LRCH4: variants seen among roughly 807,000 people sequenced by gnomAD.
The protein encoded by LRCH4 is leucine-rich repeat and calponin homology domain-containing protein 4.
LRCH4 carries 56 observed loss-of-function variants against 81.2 expected under a neutral mutation model. The observed-to-expected ratio is 0.69, with a 90% CI of 0.56 to 0.86. The LOEUF is 0.86. Ranked by LOEUF, LRCH4 falls within the 40% of genes least tolerant of loss-of-function variation. The pLI, the probability that LRCH4 is intolerant of heterozygous loss-of-function variation, is 0.00. For missense variants in LRCH4, 895 were observed against 922.8 expected (o/e 0.97, Z 0.39); for synonymous variants, 442 against 409.7 (o/e 1.08, Z -0.95).
In LRCH4 at chr7:100,578,281, G is replaced by A. The variant is rs777660691; in HGVS notation, c.849-23C>T. On this transcript the variant is annotated intron_variant, in intron 6 of 17. Coordinates refer to ENST00000310300, the MANE Select transcript of LRCH4 (RefSeq NM_002319.5). This position sits in a 1 kb window ranked among gnomAD's most constrained non-coding sequence, Gnocchi z 5.7. ...GGGCTGGGGCCAGCCAGGCGGATCTGGTCAGCCTGATGCTGGACAACAGCC... is the reference window on the plus strand; with the variant it reads ...GGGCTGGGGCCAGCCAGGCGGATCTAGTCAGCCTGATGCTGGACAACAGCC... 1 of 1,610,100 alleles carries A rather than the reference G, an allele frequency of 6.2e-7. No individual in the cohort carries two copies. The highest frequency in any genetic ancestry group is 8.5e-7 in the Non-Finnish European group (1 of 1,176,386).
rs749694842 is a variant in LRCH4, at chr7:100,578,215, G to T, written c.892C>A (p.Leu298Met). The T allele has an allele frequency of 6.2e-6, 10 of 1,614,104 alleles. No individual in the cohort carries two copies. The highest frequency in any genetic ancestry group is 1.3e-5 in the African/African-American group (1 of 74,936). The change falls in exon 7 of 18, where the codon CTG (leucine) becomes ATG (methionine). Residue 298 changes from leucine (L) to methionine (M), a missense_variant. Transcript: ENST00000310300. This position sits in a 1 kb window ranked among gnomAD's most constrained non-coding sequence, Gnocchi z 5.7. Reference sequence around the variant, plus strand: ...TCAACGCTGTGGAAGCCTGAGTCCAGCCCACCATCGTACCGATGTCCCGGA... The same window carrying T: ...TCAACGCTGTGGAAGCCTGAGTCCATCCCACCATCGTACCGATGTCCCGGA... Reference protein sequence around the residue: ...LFPGHRYDGGLDSGFHSVDSG... With the variant: ...LFPGHRYDGGMDSGFHSVDSG...
Position 100,575,315 on chromosome 7 carries a change from G to A in LRCH4, c.1855-11C>T. 2 of 1,532,418 alleles carry A rather than the reference G, an allele frequency of 1.3e-6. No homozygotes were observed. The highest frequency in any genetic ancestry group is 1.2e-5 in the South Asian group (1 of 82,950). 94.9% of individuals were successfully genotyped at this position (1,532,418 alleles called of 1,614,324 possible). A position where few individuals can be genotyped will look rare whatever the true frequency, so the allele number is the denominator to read the frequency against. On this transcript the variant is annotated splice_polypyrimidine_tract_variant and intron_variant, in intron 17 of 17. Transcript: ENST00000310300. This position sits in a 1 kb window ranked among gnomAD's most constrained non-coding sequence, Gnocchi z 5.3. ...CGAGCACAGGTCAGCCTGGGGGAGA[G>A]GAGAGCAGGTGGACAAGGACAAGGG... is the stretch of plus-strand genomic sequence containing the variant.
rs1276678904 is a variant in LRCH4, at chr7:100,578,612, C to T, written c.735+38G>A. On this transcript the variant is annotated intron_variant, in intron 5 of 17. Transcript: ENST00000310300. This position sits in a 1 kb window ranked among gnomAD's most constrained non-coding sequence, Gnocchi z 5.7. ...GACCAACCCCACTCCTGCCTAGCCA[C>T]ACCCCTGTCCTCGTGGCCCCCCAGG... 2 of 1,606,986 alleles carry T rather than the reference C, an allele frequency of 1.2e-6. No individual in the cohort carries two copies. Among genetic ancestry groups the T allele is most frequent in the Admixed American group, 1.7e-5 (1 of 59,542 alleles).
Position 100,582,914 on chromosome 7 carries a change from T to G in LRCH4, c.221-455A>C, listed in dbSNP as rs1286944962. Among the ~76,000 whole-genome samples the G allele has an allele frequency of 2.6e-5, 4 of 152,262 alleles. No individual in the cohort carries two copies. The highest frequency in any genetic ancestry group is 4.4e-5 in the Non-Finnish European group (3 of 67,996). Reference sequence around the variant, plus strand: ...GCAAACCACAGGGAGTGCCCATCCCTCCTCGGGGCCCTTCTTCCCTACTCC... The same window carrying G: ...GCAAACCACAGGGAGTGCCCATCCCGCCTCGGGGCCCTTCTTCCCTACTCC... On this transcript the variant is annotated intron_variant, in intron 1 of 17. Coordinates refer to ENST00000310300, the MANE Select transcript of LRCH4 (RefSeq NM_002319.5). The surrounding 1 kb of genome is among the most constrained non-coding windows in gnomAD (Gnocchi z 5.0).
At position 100,582,027 on chromosome 7, in the gene LRCH4, G is replaced by A. The variant is rs751954621; in HGVS notation, c.492+14C>T. ...GCTCAGGGGTCCCTTTCCTGGTCCC[G>A]TCCCCATCCTCACAAGCTGTCGCAG... On this transcript the variant is annotated intron_variant, in intron 3 of 17. Transcript: ENST00000310300. This position sits in a 1 kb window ranked among gnomAD's most constrained non-coding sequence, Gnocchi z 5.0. 3.7e-5 allele frequency: 60 copies of A among 1,605,334 alleles called. No homozygotes were observed. The highest frequency in any genetic ancestry group is 4.7e-5 in the Non-Finnish European group (55 of 1,176,322).
At position 100,582,092 on chromosome 7, in the gene LRCH4, C is replaced by T; in HGVS notation, c.441G>A (p.Lys147=). The change falls in exon 3 of 18, where the codon AAG becomes AAA. Residue 147 remains lysine (K), a synonymous_variant. Transcript: ENST00000310300. This position sits in a 1 kb window ranked among gnomAD's most constrained non-coding sequence, Gnocchi z 5.0. Reference sequence around the variant, plus strand: ...CGATGTCAGGGGGCAGGGCTCCCAGCTTGTTGTTGCTGACGATGAGGACCC... The same window carrying T: ...CGATGTCAGGGGGCAGGGCTCCCAGTTTGTTGTTGCTGACGATGAGGACCC... ...PLRVLIVSNN[K]LGALPPDIGT... 6.2e-7 allele frequency: 1 copy of T among 1,612,124 alleles called. No individual in the cohort carries two copies. Among genetic ancestry groups the T allele is most frequent in the East Asian group, 2.2e-5 (1 of 44,876 alleles).
At position 100,577,316 on chromosome 7, in the gene LRCH4, G is replaced by A. The variant is rs772577478; in HGVS notation, c.1252C>T (p.Gln418Ter). Residue 418 changes from glutamine to a stop codon, truncating the protein, a stop_gained, in exon 11 of 18, where the codon CAG becomes TAG. Coordinates refer to ENST00000310300, the MANE Select transcript of LRCH4 (RefSeq NM_002319.5). LOFTEE classifies it high-confidence loss of function. The surrounding 1 kb of genome is among the most constrained non-coding windows in gnomAD (Gnocchi z 6.7). The part of the protein sequence containing the change: ...LQLWQERERR[Q>*]QQQSGAWGAP... ...CCCCACGCCCCGCTCTGCTGCTGCT[G>A]CCGCCGTTCCCGCTCCTGCCACAGC... 6.3e-7 allele frequency: 1 copy of A among 1,596,744 alleles called. No individual in the cohort carries two copies. Among genetic ancestry groups the A allele is most frequent in the Admixed American group, 1.7e-5 (1 of 59,494 alleles).
In LRCH4 at chr7:100,575,607, T is replaced by G. The variant is rs1342526276; in HGVS notation, c.1854+98A>C. The G allele has an allele frequency of 7.0e-7, 1 of 1,432,672 alleles. No homozygotes were observed. The highest frequency in any genetic ancestry group is 9.8e-7 in the Non-Finnish European group (1 of 1,015,312). The allele number at this position is 1,432,672 out of a possible 1,614,324, so 88.7% of individuals were successfully genotyped here. A position where few individuals can be genotyped will look rare whatever the true frequency, so the allele number is the denominator to read the frequency against. On this transcript the variant is annotated intron_variant, in intron 17 of 17. Transcript: ENST00000310300. The surrounding 1 kb of genome is among the most constrained non-coding windows in gnomAD (Gnocchi z 5.3). ...GGCAGGGGCAGCCTGTGCCTTCATC[T>G]GAGAGCAGACATCCGCTGCAAATGG... is the stretch of plus-strand genomic sequence containing the variant.
intron 14 of LRCH4, 137 bp from the exon 15 acceptor site, chr7:100,576,460 C>T (rs1448140272): frequency 2.5e-5 from 17 of 685,926 alleles, no homozygotes; most frequent in African/African-American, 5.4e-5. Flanking sequence ...GATGGGGTCT[C>T]GCTATGTTGC....
Position 100,577,414 on chromosome 7 carries a change from G to A in LRCH4, c.1179-25C>T, listed in dbSNP as rs1250290673. The A allele has an allele frequency of 1.2e-6, 2 of 1,600,354 alleles. No individual in the cohort carries two copies. The highest frequency in any genetic ancestry group is 2.2e-5 in the South Asian group (2 of 91,048). The stretch of plus-strand genomic sequence containing the variant: ...CCTGAGGGACCAAGACAGGGCAAGA[G>A]GGGCAGACCCCGGGGTCAGGGAAGG... On this transcript the variant is annotated intron_variant, in intron 10 of 17. Transcript: ENST00000310300. The surrounding 1 kb of genome is among the most constrained non-coding windows in gnomAD (Gnocchi z 6.7).
Position 100,577,959 on chromosome 7 carries a change from G to T in LRCH4, c.949-47C>A, listed in dbSNP as rs1801425839. ...TGGGAGATGGCCTCTCTGTACATGG[G>T]GGCTCAGGACCTGGGGGGTCCTGTG... On this transcript the variant is annotated intron_variant, in intron 7 of 17. Coordinates refer to ENST00000310300, the MANE Select transcript of LRCH4 (RefSeq NM_002319.5). This position sits in a 1 kb window ranked among gnomAD's most constrained non-coding sequence, Gnocchi z 6.7. The T allele has an allele frequency of 6.5e-7, 1 of 1,530,680 alleles. No individual in the cohort carries two copies. Among genetic ancestry groups the T allele is most frequent in the African/African-American group, 1.4e-5 (1 of 72,692 alleles). 94.8% of individuals were successfully genotyped at this position (1,530,680 alleles called of 1,614,324 possible).
chr7:100,575,573 G>T lies in LRCH4; in HGVS notation c.1854+132C>A. The T allele has an allele frequency of 8.8e-7, 1 of 1,135,078 alleles. No individual in the cohort carries two copies. The highest frequency in any genetic ancestry group is 1.3e-6 in the Non-Finnish European group (1 of 748,324). The allele number at this position is 1,135,078 out of a possible 1,614,324, so 70.3% of individuals were successfully genotyped here. ...AGGGGGCATGCAGGGCAGGGGGCAT[G>T]CTGGGCAGGGCAGGGGCAGCCTGTG... On this transcript the variant is annotated intron_variant, in intron 17 of 17. Coordinates refer to ENST00000310300, the MANE Select transcript of LRCH4 (RefSeq NM_002319.5). The surrounding 1 kb of genome is among the most constrained non-coding windows in gnomAD (Gnocchi z 5.3).
Position 100,578,772 on chromosome 7 carries a change from G to A in LRCH4, c.613C>T (p.Pro205Ser). 3.7e-6 allele frequency: 6 copies of A among 1,613,520 alleles called. No individual in the cohort carries two copies. The highest frequency in any genetic ancestry group is 5.1e-6 in the Non-Finnish European group (6 of 1,179,966). ...STLPEELGDL[P>S]LVRLDFSCNR... ...CAGGAGAAATCCAGGCGGACCAGAGGGAGGTCCCCCAGCTCTGGAACAGGT... is the reference window on the plus strand; with the variant it reads ...CAGGAGAAATCCAGGCGGACCAGAGAGAGGTCCCCCAGCTCTGGAACAGGT... The change falls in exon 5 of 18, where the codon CCT (proline) becomes TCT (serine). Residue 205 changes from proline (P) to serine (S), a missense_variant. Physicochemically the swap from Pro to Ser is moderately conservative, Grantham distance 74. This residue lies in a region of LRCH4 where 360 missense variants were observed against 397.0 expected (regional missense o/e 0.91). Transcript: ENST00000310300. This position sits in a 1 kb window ranked among gnomAD's most constrained non-coding sequence, Gnocchi z 5.7.
Position 100,583,469 on chromosome 7 carries a change from G to A in LRCH4, c.221-1010C>T, listed in dbSNP as rs77727156. 2.6e-5 allele frequency among the ~76,000 whole-genome samples: 4 copies of A among 152,288 alleles called. No homozygotes were observed. Among genetic ancestry groups the A allele is most frequent in the Admixed American group, 6.5e-5 (1 of 15,312 alleles). ...GGGAGGGGCCCAGGGCCCGCGAGGC[G>A]GAGTCCCAGGCCACAGACCTGGTGA... On this transcript the variant is annotated intron_variant, in intron 1 of 17. Transcript: ENST00000310300. This position sits in a 1 kb window ranked among gnomAD's most constrained non-coding sequence, Gnocchi z 4.3.
chr7:100,574,742 T>TA lies in LRCH4; in HGVS notation c.*364dup, dbSNP rs1801286803. 2 of 223,126 alleles carry TA rather than the reference T, an allele frequency of 9.0e-6. No individual in the cohort carries two copies. Among genetic ancestry groups the TA allele is most frequent in the East Asian group, 2.0e-4 (2 of 10,072 alleles). 13.8% of individuals were successfully genotyped at this position (223,126 alleles called of 1,614,324 possible). On this transcript the variant is annotated 3_prime_UTR_variant, in exon 18 of 18. Transcript: ENST00000310300. ...ACAAATATAGATCCTCTCTACAAAA[T>TA]AGAGATAATTTAGCCCCCCCATAGC... is the stretch of plus-strand genomic sequence containing the variant.
At position 100,574,757 on chromosome 7, in the gene LRCH4, C is replaced by A. The variant is rs925395741; in HGVS notation, c.*350G>T. 7.8e-6 allele frequency: 2 copies of A among 257,684 alleles called. No individual in the cohort carries two copies. Among genetic ancestry groups the A allele is most frequent in the Non-Finnish European group, 7.5e-6 (1 of 133,292 alleles). 16.0% of individuals were successfully genotyped at this position (257,684 alleles called of 1,614,324 possible). On this transcript the variant is annotated 3_prime_UTR_variant, in exon 18 of 18. Coordinates refer to ENST00000310300, the MANE Select transcript of LRCH4 (RefSeq NM_002319.5). ...CTCTACAAAATAGAGATAATTTAGC[C>A]CCCCCATAGCAGCTGTTGGGGGGGG...
At chr7:100,584,743 G>C (rs755917663) in intron 1 of LRCH4, 1 of 456,578 alleles carries the variant, frequency 2.2e-6, no homozygotes, top group Non-Finnish European at 4.4e-6. Flanking sequence ...CTCCCCAGAA[G>C]AGGGAAGAGG....
Position 100,574,990 on chromosome 7 carries a change from G to A in LRCH4, c.*117C>T, listed in dbSNP as rs1584401841. The A allele has an allele frequency of 1.4e-5, 14 of 976,316 alleles. No homozygotes were observed. The highest frequency in any genetic ancestry group is 2.6e-5 in the East Asian group (1 of 37,910). The allele number at this position is 976,316 out of a possible 1,614,324, so 60.5% of individuals were successfully genotyped here. On this transcript the variant is annotated 3_prime_UTR_variant, in exon 18 of 18. Transcript: ENST00000310300. Reference sequence around the variant, plus strand: ...GGCCTCTGAGGTCAGTGTCTGTGAAGGGGGTGCACTAGTGTCTTTGGTTGG... The same window carrying A: ...GGCCTCTGAGGTCAGTGTCTGTGAAAGGGGTGCACTAGTGTCTTTGGTTGG...
chr7:100,574,287 C>T lies in LRCH4; in HGVS notation c.*820G>A. On this transcript the variant is annotated 3_prime_UTR_variant, in exon 18 of 18. Transcript: ENST00000310300. ...TCCAGCAGGGCGTGGACGACAGCAG[C>T]GATGTAGGGGAGGCCCCTTCCCGGG... 1 of 188,306 alleles carries T rather than the reference C, an allele frequency of 5.3e-6. No individual in the cohort carries two copies. The highest frequency in any genetic ancestry group is 1.2e-5 in the Non-Finnish European group (1 of 86,496). 11.7% of individuals were successfully genotyped at this position (188,306 alleles called of 1,614,324 possible).
Sources: gnomAD v4.1 joint callset for allele counts (sites outside exome capture counted in the v4.1 genomes callset) on GRCh38, gnomAD v4.1.1 for gene constraint, gnomAD v4.1.1 regional missense constraint, Gnocchi (gnomAD v3.1) non-coding constraint, MANE v1.5 for transcripts, NCBI Gene and HGNC (gene_info 2026-07-23, HGNC 2026-07-21) for gene names.